The following RBL2 variants were observed in gnomAD, a reference collection of about 807,000 sequenced individuals.
The protein encoded by RBL2 is retinoblastoma-like protein 2.
A neutral mutation model predicts 126.0 loss-of-function variants in RBL2; 56 were observed. The observed-to-expected ratio is 0.44, with a 90% CI of 0.36 to 0.56. The LOEUF is 0.56. RBL2 is among the 20% of genes least tolerant of loss of function. The pLI is 0.00. For synonymous variants in RBL2, 454 were observed against 478.5 expected, an observed-to-expected ratio of 0.95 and a Z score of 0.67; for missense variants, 1,229 against 1,398.2, an observed-to-expected ratio of 0.88 and a Z score of 1.93.
At chr16:53,488,534 GATAGCTGAAACTT>G (rs1961265101) in intron 21 of RBL2, 1 of 152,186 alleles carries the variant, frequency 6.6e-6, no homozygotes, top group African/African-American at 2.4e-5. Flanking sequence ...CGTAATAGGT[GATAGCTGAAACTT>G]ACGGGGAGAA....
At position 53,467,748 on chromosome 16, in the gene RBL2, A is replaced by T. The variant is rs780159693; in HGVS notation, c.1975+579A>T. Reference sequence around the variant, plus strand: ...AGTGTATGTTTATTTATGAGCATACAAAATAGTGGAAATGGAAAAACCAAA... The same window carrying T: ...AGTGTATGTTTATTTATGAGCATACTAAATAGTGGAAATGGAAAAACCAAA... On this transcript the variant is annotated intron_variant, in intron 14 of 21. Coordinates refer to ENST00000262133, the MANE Select transcript of RBL2 (RefSeq NM_005611.4). Among the ~76,000 whole-genome samples, 86 of 152,360 alleles carry T rather than the reference A, an allele frequency of 5.6e-4. 1 individual carries two copies. Among genetic ancestry groups the T allele is most frequent in the Non-Finnish European group, 8.1e-4 (55 of 68,032 alleles).
At position 53,490,873 on chromosome 16, in the gene RBL2, A is replaced by C. The variant is rs1446363754; in HGVS notation, c.*573A>C. On this transcript the variant is annotated 3_prime_UTR_variant, in exon 22 of 22. Coordinates refer to ENST00000262133, the MANE Select transcript of RBL2 (RefSeq NM_005611.4). ...TCCCTCTCCCCATTCGGTGTGGTGC[A>C]GTGTGAAAAGTCCTTGATTGTTCGG... 1 of 152,568 alleles carries C rather than the reference A, an allele frequency of 6.6e-6. No individual in the cohort carries two copies. Among genetic ancestry groups the C allele is most frequent in the African/African-American group, 2.4e-5 (1 of 41,418 alleles). 9.5% of individuals were successfully genotyped at this position (152,568 alleles called of 1,614,324 possible).
At chr16:53,466,963 T>C in intron 13 of RBL2, 95 bp from the exon 14 acceptor site, 1 of 810,054 alleles carries the variant, frequency 1.2e-6, no homozygotes, top group Non-Finnish European at 2.0e-6. Context: ...GATGGAATAA[T>C]TGTTAAGATA....
At position 53,434,806 on chromosome 16, in the gene RBL2, C is replaced by T. The variant is rs373824542; in HGVS notation, c.240+10C>T. 2,359 of 1,486,350 alleles carry T rather than the reference C, an allele frequency of 1.6e-3. 8 individuals are homozygous for T. In the Middle Eastern group the frequency reaches 0.018, roughly 11 times the overall value. The allele number at this position is 1,486,350 out of a possible 1,614,324, so 92.1% of individuals were successfully genotyped here. A position where few individuals can be genotyped will look rare whatever the true frequency, so the allele number is the denominator to read the frequency against. On this transcript the variant is annotated intron_variant, in intron 1 of 21. Transcript: ENST00000262133. Reference sequence around the variant, plus strand: ...AAGCTACACGCTGGAGGTGCGCTCGCGGGCGGAGGGGCGCTTCCGGCCTAG... The same window carrying T: ...AAGCTACACGCTGGAGGTGCGCTCGTGGGCGGAGGGGCGCTTCCGGCCTAG...
At chr16:53,442,903 C>A in intron 3 of RBL2, 45 bp downstream of exon 3, 1 of 1,371,460 alleles carries the variant, frequency 7.3e-7, no homozygotes, top group Non-Finnish European at 9.9e-7. Context: ...TTAGTCTGTG[C>A]TGCAGTGTTG....
intron 17 of RBL2, among the ~76,000 whole-genome samples, chr16:53,476,959 T>C (rs1007063702): frequency 9.9e-5 from 15 of 152,248 alleles, no homozygotes; most frequent in African/African-American, 3.6e-4. Context: ...ATTTTACTTT[T>C]TGTTTTCATG....
Position 53,439,239 on chromosome 16 carries a change from G to A in RBL2, c.371+93G>A, listed in dbSNP as rs185823059. The A allele has an allele frequency of 6.4e-3, 7,828 of 1,214,556 alleles. 29 individuals are homozygous for A. The highest frequency in any genetic ancestry group is 7.8e-3 in the Non-Finnish European group (7,167 of 919,542). The allele number at this position is 1,214,556 out of a possible 1,614,324, so 75.2% of individuals were successfully genotyped here. A position where few individuals can be genotyped will look rare whatever the true frequency, so the allele number is the denominator to read the frequency against. On this transcript the variant is annotated intron_variant, in intron 2 of 21. Coordinates refer to ENST00000262133, the MANE Select transcript of RBL2 (RefSeq NM_005611.4). ...GAATTATCTCTGTTTATCATTTTCT[G>A]AGCATTTGTACCTGTGGACTGGTGA...
At chr16:53,439,580 G>T (rs1279001812) in intron 2 of RBL2, among the ~76,000 whole-genome samples, 2 of 152,120 alleles carry the variant, frequency 1.3e-5, no homozygotes, top group Non-Finnish European at 2.9e-5. Context: ...CTGTTTGGAG[G>T]ATAAATGACA....
intron 3 of RBL2, among the ~76,000 whole-genome samples, chr16:53,446,690 T>C (rs1002584599): frequency 1.3e-5 from 2 of 152,138 alleles, no homozygotes; most frequent in Non-Finnish European, 2.9e-5. Flanking sequence ...GAGAAAAAAA[T>C]AAGGACATAT....
rs370250997 is a variant in RBL2 at position 53,439,188 on chromosome 16, A to G, written c.371+42A>G. 2.7e-4 allele frequency: 402 copies of G among 1,477,122 alleles called. 1 individual carries two copies. Among genetic ancestry groups the G allele is most frequent in the Non-Finnish European group, 3.5e-4 (388 of 1,104,354 alleles). 91.5% of individuals were successfully genotyped at this position (1,477,122 alleles called of 1,614,324 possible). ...TTGACAAGTAGAGTATGGCTAATGT[A>G]AGCTCATAAATCATAGTGATAGTAA... On this transcript the variant is annotated intron_variant, in intron 2 of 21. Coordinates refer to ENST00000262133, the MANE Select transcript of RBL2 (RefSeq NM_005611.4).
At chr16:53,489,136 C>A (rs1032980624) in intron 21 of RBL2, 1 of 151,160 alleles carries the variant, frequency 6.6e-6, no homozygotes, top group East Asian at 1.9e-4. Flanking sequence ...TCATTAAAAC[C>A]CCCAAAACAT....
chr16:53,487,944 A>G (rs904275321), intron 21 of RBL2: 1 of 152,266 alleles, frequency 6.6e-6, no homozygotes, highest in Non-Finnish European at 1.5e-5. Flanking sequence ...TCTGACAACA[A>G]TGTGGAACAA....
At position 53,439,120 on chromosome 16, in the gene RBL2, T is replaced by A. The variant is rs911731637; in HGVS notation, c.345T>A (p.Thr115=). 1.2e-6 allele frequency: 2 copies of A among 1,605,648 alleles called. No individual in the cohort carries two copies. Among genetic ancestry groups the A allele is most frequent in the Admixed American group, 1.7e-5 (1 of 58,536 alleles). The stretch of plus-strand genomic sequence containing the variant: ...TGGAAGGAAACTATGTATCTTTAAC[T>A]AGAATCCTGAAATGTTCAGAGCAGA... ...GTVEGNYVSL[T]RILKCSEQSL... Residue 115 remains threonine, a synonymous_variant, in exon 2 of 22, where the codon ACT becomes ACA. Transcript: ENST00000262133.
chr16:53,489,153 C>CT (rs1170447904), intron 21 of RBL2: 1 of 151,652 alleles, frequency 6.6e-6, no homozygotes, highest in East Asian at 1.9e-4. Flanking sequence ...ACATTTATTA[C>CT]TTTAAAGAAT....
intron 1 of RBL2, 62 bp downstream of exon 1, chr16:53,434,858 C>T (rs569896329): frequency 2.1e-6 from 3 of 1,407,828 alleles, no homozygotes; most frequent in Non-Finnish European, 1.8e-6. Context: ...CCTTCCGAGC[C>T]GCGTCGCGCG....
intron 11 of RBL2, among the ~76,000 whole-genome samples, chr16:53,463,297 A>G (rs2058240217): frequency 6.6e-6 from 1 of 152,166 alleles, no homozygotes; most frequent in Non-Finnish European, 1.5e-5. Flanking sequence ...ATGGTCATCT[A>G]GCCAGTCACC....
intron 17 of RBL2, among the ~76,000 whole-genome samples, chr16:53,476,577 G>A (rs1960734036): frequency 6.6e-6 from 1 of 152,142 alleles, no homozygotes; most frequent in South Asian, 2.1e-4. Flanking sequence ...TCTTGAAAGT[G>A]AGGTACTGAA....
Position 53,461,719 on chromosome 16 carries a change from TATTTCTC to T in RBL2, c.1347-18_1347-12del, listed in dbSNP as rs1447684032. The T allele has an allele frequency of 1.3e-6, 2 of 1,519,822 alleles. No homozygotes were observed. Among genetic ancestry groups the T allele is most frequent in the African/African-American group, 2.8e-5 (2 of 71,410 alleles). 94.1% of individuals were successfully genotyped at this position (1,519,822 alleles called of 1,614,324 possible). On this transcript the variant is annotated splice_polypyrimidine_tract_variant and intron_variant, in intron 9 of 21. Coordinates refer to ENST00000262133, the MANE Select transcript of RBL2 (RefSeq NM_005611.4). Reference sequence around the variant, plus strand: ...ACTTGACAAGACCTTTAAATTATGTTATTTCTCATTACCTTTTTTAGGACATGTTCCA... The same window carrying T: ...ACTTGACAAGACCTTTAAATTATGTTATTACCTTTTTTAGGACATGTTCCA...
chr16:53,463,471 AC>A (rs1379133909), intron 11 of RBL2, among the ~76,000 whole-genome samples: 1 of 148,776 alleles, frequency 6.7e-6, no homozygotes, highest in African/African-American at 2.5e-5. Context: ...CAAACTCTGG[AC>A]CTCAGGTGAT....
Sources: gnomAD v4.1 joint callset for allele counts (sites outside exome capture counted in the v4.1 genomes callset) on GRCh38, gnomAD v4.1.1 for gene constraint, MANE v1.5 for transcripts, NCBI Gene and HGNC (gene_info 2026-07-23, HGNC 2026-07-21) for gene names.